DNAH6: variants seen among roughly 807,000 people sequenced by gnomAD.
DNAH6 encodes dynein axonemal heavy chain 6.
In DNAH6, 340 loss-of-function variants were observed where a neutral mutation model predicts 491.4. The ratio of observed to expected loss-of-function variants is 0.69; its 90% CI spans 0.63 to 0.76. DNAH6 has a LOEUF of 0.76. Among genes scored for constraint, DNAH6 ranks in the 30% least tolerant of loss-of-function variants. The probability of loss-of-function intolerance (pLI) is 0.00; values close to 1 mark genes in which losing one functional copy is unlikely to be tolerated. For synonymous variants in DNAH6, 1,603 were observed against 1,686.1 expected (o/e 0.95, Z 1.21); for missense variants, 4,443 against 4,972.2 (o/e 0.89, Z 3.20).
chr2:84,583,031 A>G (rs1683188347), intron 14 of DNAH6, among the ~76,000 whole-genome samples: 1 of 152,224 alleles, frequency 6.6e-6, no homozygotes, highest in African/African-American at 2.4e-5. Context: ...CTCTATAACC[A>G]TGTGGCAGAG....
At chr2:84,783,117 A>G (rs1676844990) in intron 65 of DNAH6, among the ~76,000 whole-genome samples, 1 of 152,232 alleles carries the variant, frequency 6.6e-6, no homozygotes, top group East Asian at 1.9e-4. Flanking sequence ...AATAAGCTGA[A>G]AATACAAAAG....
At chr2:84,544,124 T>C (rs572771984) in intron 4 of DNAH6, 109 bp from the exon 5 acceptor site, 1 of 553,658 alleles carries the variant, frequency 1.8e-6, no homozygotes, top group East Asian at 3.1e-5. Flanking sequence ...CTTTAAATAA[T>C]ATTTGCTTTC....
chr2:84,792,274 A>C (rs1677831909), intron 68 of DNAH6, among the ~76,000 whole-genome samples: 1 of 152,238 alleles, frequency 6.6e-6, no homozygotes, highest in Non-Finnish European at 1.5e-5. Flanking sequence ...ATAGTTATAC[A>C]AGATGAGTAA....
At chr2:84,487,446 T>C in the DNAH6 span, among the ~76,000 whole-genome samples, 2 of 152,214 alleles carry the variant, frequency 1.3e-5, no homozygotes, top group African/African-American at 4.8e-5. Context: ...ACTGACAGCT[T>C]GAGCAACTGC....
intron 49 of DNAH6, among the ~76,000 whole-genome samples, chr2:84,701,812 A>G (rs540925818): frequency 6.6e-6 from 1 of 152,282 alleles, no homozygotes; most frequent in South Asian, 2.1e-4. Flanking sequence ...TGAAGATTAC[A>G]TTTCAACATG....
chr2:84,476,983 T>C, the DNAH6 span, among the ~76,000 whole-genome samples: 1 of 152,206 alleles, frequency 6.6e-6, no homozygotes, highest in African/African-American at 2.4e-5. Context: ...TTTCACATGC[T>C]CTAGCGTTCC....
chr2:84,751,759 T>G (rs1481108545), intron 63 of DNAH6, among the ~76,000 whole-genome samples: 3 of 152,216 alleles, frequency 2.0e-5, no homozygotes, highest in Non-Finnish European at 2.9e-5. Context: ...CAAATTTTGG[T>G]GTACATCAGA....
intron 11 of DNAH6, among the ~76,000 whole-genome samples, chr2:84,566,506 G>T (rs886129656): frequency 5.7e-4 from 86 of 151,996 alleles, no homozygotes; most frequent in Non-Finnish European, 5.2e-4. Flanking sequence ...TAATAAAGAT[G>T]ATTTTTCTCT....
chr2:84,577,153 AT>A, intron 12 of DNAH6, 103 bp from the exon 13 acceptor site: 2 of 642,198 alleles, frequency 3.1e-6, no homozygotes, highest in Non-Finnish European at 4.9e-6. Flanking sequence ...CATTATACAT[AT>A]ATGTGTAAAT....
At position 84,565,242 on chromosome 2, in the gene DNAH6, T is replaced by C. The variant is rs183788252; in HGVS notation, c.1803+7307T>C. Reference sequence around the variant, plus strand: ...GAGTTATGAAGGAAACCTTCCTCTTTGATATTTTGGAATAGTTTTAGTAGA... The same window carrying C: ...GAGTTATGAAGGAAACCTTCCTCTTCGATATTTTGGAATAGTTTTAGTAGA... On this transcript the variant is annotated intron_variant, in intron 11 of 76. Coordinates refer to ENST00000389394, the MANE Select transcript of DNAH6 (RefSeq NM_001370.2). 3.9e-5 allele frequency among the ~76,000 whole-genome samples: 6 copies of C among 152,164 alleles called. 1 individual carries two copies. The East Asian group carries it at 1.2e-3, about 29-fold the overall frequency.
At chr2:84,579,741 G>T in intron 14 of DNAH6, 62 bp downstream of exon 14, 2 of 1,424,104 alleles carry the variant, frequency 1.4e-6, no homozygotes, top group South Asian at 2.9e-5. Flanking sequence ...GAAGACATAG[G>T]ACAAGAAAAA....
At position 84,619,833 on chromosome 2, in the gene DNAH6, G is replaced by C; in HGVS notation, c.3721G>C (p.Gly1241Arg). ...GCCTCCTGCCGAAGGAAAGATTCCT[G>C]GTATTGATGGAGAACCAGAAAAGGT... ...LMPPAEGKIP[G>R]IDGEPEKVYT... Residue 1241 changes from glycine to arginine, a missense_variant, in exon 24 of 77, where the codon GGT (glycine) becomes CGT (arginine). By Grantham distance (125) the Gly-to-Arg change is moderately radical. Transcript: ENST00000389394. 1 of 1,551,370 alleles carries C rather than the reference G, an allele frequency of 6.4e-7. No homozygotes were observed. The highest frequency in any genetic ancestry group is 8.7e-7 in the Non-Finnish European group (1 of 1,146,816).
chr2:84,521,484 C>G (rs1012457254), intron 2 of DNAH6, among the ~76,000 whole-genome samples: 1 of 152,038 alleles, frequency 6.6e-6, no homozygotes, highest in African/African-American at 2.4e-5. Context: ...TAATTAGATC[C>G]CATTTGTCAA....
intron 63 of DNAH6, among the ~76,000 whole-genome samples, chr2:84,759,766 C>A (rs1450663025): frequency 1.3e-5 from 2 of 152,006 alleles, no homozygotes; most frequent in African/African-American, 4.8e-5. Context: ...AAAAAGCAAT[C>A]CTAAAATTAT....
At chr2:84,459,911 TTTTAGTTAAATA>T in the DNAH6 span, 1 of 152,336 alleles carries the variant, frequency 6.6e-6, no homozygotes, top group Non-Finnish European at 1.5e-5. Context: ...ATGTGAATTT[TTTTAGTTAAATA>T]ATCATGCAGT....
chr2:84,585,624 C>T (rs1347300352), intron 15 of DNAH6, among the ~76,000 whole-genome samples: 4 of 152,010 alleles, frequency 2.6e-5, no homozygotes, highest in Admixed American at 6.5e-5. Flanking sequence ...GAGGGTAGCT[C>T]CCCTCTGCAG....
chr2:84,760,270 C>G (rs1674446767), intron 63 of DNAH6, among the ~76,000 whole-genome samples: 1 of 152,116 alleles, frequency 6.6e-6, no homozygotes, highest in Admixed American at 6.5e-5. Context: ...GAATTAATGA[C>G]TAAGACCTCA....
At chr2:84,590,700 G>A (rs1280852664) in intron 16 of DNAH6, among the ~76,000 whole-genome samples, 1 of 151,926 alleles carries the variant, frequency 6.6e-6, no homozygotes, top group Non-Finnish European at 1.5e-5. Context: ...TTGCACCCTG[G>A]GCAAGTATAA....
At chr2:84,818,901 C>T (rs1680762291) in intron 76 of DNAH6, among the ~76,000 whole-genome samples, 1 of 152,112 alleles carries the variant, frequency 6.6e-6, no homozygotes, top group South Asian at 2.1e-4. Flanking sequence ...GGTGAAACCC[C>T]GCCTCTACTA....
Sources: gnomAD v4.1 joint callset for allele counts (sites outside exome capture counted in the v4.1 genomes callset) on GRCh38, gnomAD v4.1.1 for gene constraint, MANE v1.5 for transcripts, NCBI Gene and HGNC (gene_info 2026-07-23, HGNC 2026-07-21) for gene names.